STRADB: variants seen among roughly 807,000 people sequenced by gnomAD.
STRADB encodes STE20-related kinase adapter protein beta.
A neutral mutation model predicts 52.1 loss-of-function variants in STRADB; 34 were observed. That is an observed-to-expected ratio of 0.65 (90% CI 0.50 to 0.87). STRADB has a LOEUF of 0.87. STRADB is among the 40% of genes least tolerant of loss of function. The probability of loss-of-function intolerance (pLI) is 0.00; values close to 1 mark genes in which losing one functional copy is unlikely to be tolerated. For missense variants in STRADB, 340 were observed against 483.9 expected (o/e 0.70, Z 2.79); for synonymous variants, 133 against 174.5 (o/e 0.76, Z 1.87).
intron 3 of STRADB, among the ~76,000 whole-genome samples, chr2:201,462,458 C>T (rs1451261347): frequency 1.3e-5 from 2 of 151,768 alleles, no homozygotes; most frequent in Non-Finnish European, 2.9e-5. Context: ...TTTGTATTCT[C>T]TTCCTTCCTT....
At chr2:201,469,521 T>G (rs907172076) in intron 3 of STRADB, among the ~76,000 whole-genome samples, 3 of 152,224 alleles carry the variant, frequency 2.0e-5, no homozygotes, top group African/African-American at 7.2e-5. Flanking sequence ...AAACTGTTCC[T>G]TGACTGTTAA....
chr2:201,463,159 A>C (rs1172312092), intron 3 of STRADB, among the ~76,000 whole-genome samples: 1 of 152,106 alleles, frequency 6.6e-6, no homozygotes, highest in Non-Finnish European at 1.5e-5. Context: ...AACATGGTGA[A>C]ACCCCATCTC....
At chr2:201,473,907 T>TC (rs1553628020) in intron 5 of STRADB, among the ~76,000 whole-genome samples, 29 of 150,284 alleles carry the variant, frequency 1.9e-4, no homozygotes, top group African/African-American at 5.9e-4. Flanking sequence ...TTTTTTTTTT[T>TC]CGAGACGGAG....
intron 3 of STRADB, among the ~76,000 whole-genome samples, chr2:201,460,970 C>T (rs1952206779): frequency 7.1e-6 from 1 of 140,770 alleles, no homozygotes; most frequent in Admixed American, 7.3e-5. Flanking sequence ...AGTGGTTGTA[C>T]TAATTTGCAT....
rs1425357612 is a variant in STRADB at position 201,475,731 on chromosome 2, C to T, written c.537C>T (p.Gly179=). The change falls in exon 7 of 12, where the codon GGC becomes GGT. Residue 179 remains glycine (G), a synonymous_variant. Coordinates refer to ENST00000194530, the MANE Select transcript of STRADB (RefSeq NM_018571.6). ...GGTTGAACTATCTGCACCAAAATGGCTGTATTCACAGGTATTTACTTATTT... is the reference window on the plus strand; with the variant it reads ...GGTTGAACTATCTGCACCAAAATGGTTGTATTCACAGGTATTTACTTATTT... ...VRGLNYLHQN[G]CIHRSIKASH... 5 of 1,608,942 alleles carry T rather than the reference C, an allele frequency of 3.1e-6. No homozygotes were observed. The highest frequency in any genetic ancestry group is 2.2e-5 in the South Asian group (2 of 90,100).
chr2:201,460,576 G>T (rs574636015), intron 3 of STRADB, among the ~76,000 whole-genome samples: 1 of 152,030 alleles, frequency 6.6e-6, no homozygotes, highest in Non-Finnish European at 1.5e-5. Context: ...GAGTTCAATT[G>T]TTTTAATTTT....
At chr2:201,458,019 G>A (rs1241626270) in intron 2 of STRADB, among the ~76,000 whole-genome samples, 1 of 151,036 alleles carries the variant, frequency 6.6e-6, no homozygotes, top group Admixed American at 6.6e-5. Context: ...CTGAGACTCC[G>A]TCTCAAAAAA....
In STRADB at chr2:201,477,744, TCAG is replaced by T. The variant is rs1236319674; in HGVS notation, c.677_679del (p.Ser226del). The stretch of plus-strand genomic sequence containing the variant: ...AGGGCTGTGTATGATTTCCCACAGT[TCAG>T]CACATCAGTGCAGCCGTGGCTGAGT... On this transcript the variant is annotated inframe_deletion, in exon 8 of 12. Transcript: ENST00000194530. The T allele has an allele frequency of 6.2e-7, 1 of 1,613,628 alleles. No homozygotes were observed. Among genetic ancestry groups the T allele is most frequent in the Admixed American group, 1.7e-5 (1 of 60,014 alleles).
At position 201,478,371 on chromosome 2, in the gene STRADB, A is replaced by G. The variant is rs1015095174; in HGVS notation, c.840A>G (p.Lys280=). Residue 280 remains lysine, a synonymous_variant, in exon 10 of 12, where the codon AAA becomes AAG. Transcript: ENST00000194530. ...GTTTCTTTTAGATGCTGTTACAGAA[A>G]CTGAAAGGTCCTCCTTATAGCCCAT... The part of the protein sequence containing the change: ...DMHRTQMLLQ[K]LKGPPYSPLD... 3 of 1,613,210 alleles carry G rather than the reference A, an allele frequency of 1.9e-6. No homozygotes were observed. The African/African-American group carries it at 4.0e-5, about 22-fold the overall frequency.
intron 3 of STRADB, among the ~76,000 whole-genome samples, chr2:201,463,331 CAA>C (rs574453771): frequency 2.7e-5 from 3 of 113,148 alleles, no homozygotes; most frequent in Non-Finnish European, 3.5e-5. Context: ...GAGACTGTCT[CAA>C]AAAAAAAAAA....
chr2:201,455,570 G>T (rs932394121), intron 2 of STRADB, among the ~76,000 whole-genome samples: 2 of 151,996 alleles, frequency 1.3e-5, no homozygotes, highest in African/African-American at 4.8e-5. Flanking sequence ...GCCAGACGTA[G>T]TGTCATATGC....
chr2:201,464,253 A>G (rs1419342482), intron 3 of STRADB, among the ~76,000 whole-genome samples: 1 of 152,040 alleles, frequency 6.6e-6, no homozygotes, highest in Non-Finnish European at 1.5e-5. Flanking sequence ...TTCACAGGGA[A>G]TTGAGTATTG....
chr2:201,463,662 C>A (rs1226676313), intron 3 of STRADB, among the ~76,000 whole-genome samples: 1 of 151,962 alleles, frequency 6.6e-6, no homozygotes, highest in Non-Finnish European at 1.5e-5. Flanking sequence ...TGTTATTATC[C>A]CTTTGAATAA....
intron 2 of STRADB, among the ~76,000 whole-genome samples, chr2:201,457,963 GC>G (rs1318636406): frequency 1.3e-5 from 2 of 152,006 alleles, no homozygotes; most frequent in Non-Finnish European, 2.9e-5. Context: ...GGCAGAGGTT[GC>G]ATCAAGCCAA....
In STRADB at chr2:201,469,978, C is replaced by T; in HGVS notation, c.119C>T (p.Ser40Leu). The change falls in exon 4 of 12, where the codon TCA becomes TTA. Residue 40 changes from serine to leucine, a missense_variant. Coordinates refer to ENST00000194530, the MANE Select transcript of STRADB (RefSeq NM_018571.6). ...GTTGATGAGCCAACCCTTTCCTGGT[C>T]ACGTCCATCCACTAGAGCCAGTGAA... is the stretch of plus-strand genomic sequence containing the variant. ...YLVDEPTLSW[S>L]RPSTRASEVL... is the part of the protein sequence containing the mutation. 1 of 1,613,806 alleles carries T rather than the reference C, an allele frequency of 6.2e-7. No individual in the cohort carries two copies. Among genetic ancestry groups the T allele is most frequent in the Non-Finnish European group, 8.5e-7 (1 of 1,179,964 alleles).
intron 1 of STRADB, among the ~76,000 whole-genome samples, chr2:201,454,306 A>G (rs1952095580): frequency 6.6e-6 from 1 of 152,218 alleles, no homozygotes; most frequent in African/African-American, 2.4e-5. Context: ...AAAGTCTCAA[A>G]GTTTAGTTGT....
chr2:201,475,348 A>T (rs1045468335), intron 6 of STRADB, among the ~76,000 whole-genome samples: 1 of 151,780 alleles, frequency 6.6e-6, no homozygotes, highest in Non-Finnish European at 1.5e-5. Context: ...TTAAGAAAAA[A>T]AAAAATATAT....
chr2:201,475,953 G>A (rs1163993252), intron 7 of STRADB, among the ~76,000 whole-genome samples: 1 of 152,164 alleles, frequency 6.6e-6, no homozygotes, highest in Non-Finnish European at 1.5e-5. Flanking sequence ...TCTGTGCCAA[G>A]CAGTTATTGG....
chr2:201,460,515 C>G (rs1952197080), intron 3 of STRADB, among the ~76,000 whole-genome samples: 1 of 151,812 alleles, frequency 6.6e-6, no homozygotes, highest in African/African-American at 2.4e-5. Flanking sequence ...ACTCATTAAC[C>G]ATCTCCACTC....
Sources: allele counts gnomAD v4.1 joint callset (sites outside exome capture counted in the v4.1 genomes callset), GRCh38; gene constraint gnomAD v4.1.1; transcripts MANE v1.5; gene names NCBI Gene and HGNC (gene_info 2026-07-23, HGNC 2026-07-21).